BCKDHB: variants seen among roughly 807,000 people sequenced by gnomAD.
The protein encoded by BCKDHB is 2-oxoisovalerate dehydrogenase subunit beta, mitochondrial.
Under a neutral mutation model 48.5 loss-of-function variants are expected in BCKDHB, and 41 were observed. That is an observed-to-expected ratio of 0.85 (90% CI 0.66 to 1.10). The LOEUF is 1.10. Ranked by LOEUF, BCKDHB falls within the 50% of genes least tolerant of loss-of-function variation. BCKDHB has a pLI of 0.00. For missense variants in BCKDHB, 496 were observed against 494.2 expected (o/e 1.00, Z -0.03); for synonymous variants, 201 against 174.8 (o/e 1.15, Z -1.18).
At chr6:80,356,136 C>T in the BCKDHB span, 2 of 152,304 alleles carry the variant, frequency 1.3e-5, no homozygotes, top group East Asian at 3.9e-4. Flanking sequence ...GAGTCCCAAG[C>T]TCACTTTTCC....
intron 8 of BCKDHB, among the ~76,000 whole-genome samples, chr6:80,248,913 TG>T (rs1776724667): frequency 6.6e-6 from 1 of 151,386 alleles, no homozygotes; most frequent in Non-Finnish European, 1.5e-5. Flanking sequence ...TGTGTGTGTG[TG>T]TGTGTGTGTG....
chr6:80,379,450 A>G, the BCKDHB span, among the ~76,000 whole-genome samples: 1 of 152,030 alleles, frequency 6.6e-6, no homozygotes. Context: ...CATATCTCAA[A>G]ATAATAAGAG....
At chr6:80,224,603 C>G (rs1003070314) in intron 8 of BCKDHB, among the ~76,000 whole-genome samples, 6 of 152,142 alleles carry the variant, frequency 3.9e-5, no homozygotes, top group Non-Finnish European at 5.9e-5. Context: ...GCCATGTTGC[C>G]TAGGCTGGTC....
At chr6:80,240,521 A>G (rs1383410872) in intron 8 of BCKDHB, among the ~76,000 whole-genome samples, 1 of 152,098 alleles carries the variant, frequency 6.6e-6, no homozygotes, top group African/African-American at 2.4e-5. Flanking sequence ...TGATTTTTGT[A>G]TCGGACTTTA....
At chr6:80,255,837 A>T (rs1582449779) in intron 8 of BCKDHB, among the ~76,000 whole-genome samples, 1 of 152,194 alleles carries the variant, frequency 6.6e-6, no homozygotes, top group South Asian at 2.1e-4. Flanking sequence ...AGAAAATATG[A>T]AGGACATAAA....
the BCKDHB span, among the ~76,000 whole-genome samples, chr6:80,397,625 G>A: frequency 4.1e-4 from 62 of 152,232 alleles, no homozygotes; most frequent in Admixed American, 2.7e-3. Context: ...GTTCACACCT[G>A]TAATACCAGC....
chr6:80,242,910 A>C (rs946544015), intron 8 of BCKDHB, among the ~76,000 whole-genome samples: 3 of 152,168 alleles, frequency 2.0e-5, no homozygotes, highest in Non-Finnish European at 4.4e-5. Context: ...GTTAAAGGCA[A>C]ATCTGTAGTT....
At chr6:80,129,126 T>C in intron 2 of BCKDHB, 35 bp from the exon 3 acceptor site, 1 of 1,429,184 alleles carries the variant, frequency 7.0e-7, no homozygotes, top group Non-Finnish European at 9.8e-7. Context: ...TAGAGATTAT[T>C]AAATAAAATG....
At chr6:80,407,193 C>G in the BCKDHB span, among the ~76,000 whole-genome samples, 16 of 152,216 alleles carry the variant, frequency 1.1e-4, no homozygotes, top group Non-Finnish European at 1.6e-4. Context: ...TCTGAGGCCT[C>G]TGTTCTGTTT....
At chr6:80,141,641 T>C (rs1771219108) in intron 3 of BCKDHB, among the ~76,000 whole-genome samples, 1 of 152,098 alleles carries the variant, frequency 6.6e-6, no homozygotes, top group Non-Finnish European at 1.5e-5. Context: ...GCTTGGAAGA[T>C]AGGCTTGGAT....
chr6:80,299,461 G>A (rs557668044), intron 9 of BCKDHB, among the ~76,000 whole-genome samples: 2 of 152,306 alleles, frequency 1.3e-5, no homozygotes, highest in Non-Finnish European at 2.9e-5. Context: ...GTTACTGGAA[G>A]GGGGTCCCAA....
At chr6:80,462,883 G>C in the BCKDHB span, 2 of 152,106 alleles carry the variant, frequency 1.3e-5, no homozygotes, top group African/African-American at 4.8e-5. Context: ...TCTGCCGGAG[G>C]CCTCTCCAGA....
At chr6:80,358,280 A>G in the BCKDHB span, among the ~76,000 whole-genome samples, 1 of 152,176 alleles carries the variant, frequency 6.6e-6, no homozygotes, top group Non-Finnish European at 1.5e-5. Flanking sequence ...ATGTGTATAC[A>G]GTAAATATAC....
chr6:80,244,526 A>G (rs956268028), intron 8 of BCKDHB, among the ~76,000 whole-genome samples: 2 of 152,192 alleles, frequency 1.3e-5, no homozygotes, highest in African/African-American at 4.8e-5. Flanking sequence ...TTTTGTTGTT[A>G]TTTAAATAAA....
At chr6:80,407,013 A>C in the BCKDHB span, among the ~76,000 whole-genome samples, 46 of 152,268 alleles carry the variant, frequency 3.0e-4, no homozygotes, top group African/African-American at 1.1e-3. Context: ...TCTTTAATCC[A>C]TCTTGAGTTA....
chr6:80,382,012 G>A, the BCKDHB span, among the ~76,000 whole-genome samples: 2 of 152,002 alleles, frequency 1.3e-5, no homozygotes, highest in Admixed American at 6.6e-5. Flanking sequence ...AATTGGAACC[G>A]AGGTAGTAAA....
At chr6:80,331,955 T>TGG (rs142030601) in intron 9 of BCKDHB, among the ~76,000 whole-genome samples, 2 of 152,060 alleles carry the variant, frequency 1.3e-5, no homozygotes, top group South Asian at 2.1e-4. Context: ...CATGCTCATT[T>TGG]GGGGGGGACT....
At chr6:80,337,423 G>A (rs2143886) in intron 9 of BCKDHB, among the ~76,000 whole-genome samples, 117,901 of 151,912 alleles carry the variant, frequency 0.78, 46,127 homozygotes, top group Admixed American at 0.84. Flanking sequence ...TTTAGAAGCA[G>A]AATATCTGCT....
intron 8 of BCKDHB, among the ~76,000 whole-genome samples, chr6:80,249,894 G>A (rs1010266560): frequency 1.3e-5 from 2 of 152,142 alleles, no homozygotes; most frequent in Non-Finnish European, 2.9e-5. Flanking sequence ...TGTAAGGTAA[G>A]TTGTGGCATT....
Sources: gnomAD v4.1 joint callset for allele counts (sites outside exome capture counted in the v4.1 genomes callset) on GRCh38, gnomAD v4.1.1 for gene constraint, MANE v1.5 for transcripts, NCBI Gene and HGNC (gene_info 2026-07-23, HGNC 2026-07-21) for gene names.